The following TRMT1L variants were observed in gnomAD, a reference collection of about 807,000 sequenced individuals.
TRMT1L encodes the protein tRNA (guanine(27)-N(2))-dimethyltransferase.
A neutral mutation model predicts 81.6 loss-of-function variants in TRMT1L; 28 were observed. The ratio of observed to expected loss-of-function variants is 0.34; its 90% confidence interval spans 0.25 to 0.47. TRMT1L has a LOEUF of 0.47. TRMT1L is among the 20% of genes least tolerant of loss of function. The pLI is 1.00. For synonymous variants in TRMT1L, 301 were observed against 303.2 expected (o/e 0.99, Z 0.07); for missense variants, 739 against 877.1 (o/e 0.84, Z 1.99).
At chr1:185,154,347 G>A (rs1199207558) in intron 1 of TRMT1L, among the ~76,000 whole-genome samples, 3 of 152,034 alleles carry the variant, frequency 2.0e-5, no homozygotes, top group Non-Finnish European at 4.4e-5. Flanking sequence ...GCTGGTGCCT[G>A]GTTATTCACC....
rs1345222639 is a variant in TRMT1L, at chr1:185,131,855, C to G, written c.1514-3108G>C. Among the ~76,000 whole-genome samples, 2 of 152,100 alleles carry G rather than the reference C, an allele frequency of 1.3e-5. 1 individual carries two copies. Among genetic ancestry groups the G allele is most frequent in the African/African-American group, 4.8e-5 (2 of 41,426 alleles). On this transcript the variant is annotated intron_variant, in intron 10 of 14. Transcript: ENST00000367506. ...AACTTGTCAAAGAAATAACATCCCC[C>G]AAGGGCCAGGTGTGGTGGCTCTTGC...
intron 7 of TRMT1L, among the ~76,000 whole-genome samples, chr1:185,140,636 G>A (rs918197213): frequency 6.6e-6 from 1 of 151,470 alleles, no homozygotes; most frequent in Non-Finnish European, 1.5e-5. Flanking sequence ...AACTTTTCTG[G>A]ACCAACACTT....
At position 185,150,481 on chromosome 1, in the gene TRMT1L, C is replaced by G. The variant is rs375860895; in HGVS notation, c.358G>C (p.Ala120Pro). The G allele has an allele frequency of 2.0e-5, 32 of 1,612,018 alleles. No homozygotes were observed. In the African/African-American group the frequency reaches 4.0e-4, roughly 20 times the overall value. The change falls in exon 3 of 15, where the codon GCT becomes CCT. Residue 120 changes from alanine (A) to proline (P), a missense_variant. Physicochemically the swap from Ala to Pro is conservative, Grantham distance 27. Coordinates refer to ENST00000367506, the MANE Select transcript of TRMT1L (RefSeq NM_030934.5). ...TTTTCCTTAGGGCACAATGGACAAG[C>G]CTGTCTGTTGCCTTAAAAAGAAAAA... is the stretch of plus-strand genomic sequence containing the variant. Reference protein sequence around the residue: ...SDNLDAGNRQACPLCPKEKFR... With the variant: ...SDNLDAGNRQPCPLCPKEKFR...
chr1:185,127,499 G>A (rs1303974880), intron 11 of TRMT1L, among the ~76,000 whole-genome samples: 9 of 151,954 alleles, frequency 5.9e-5, no homozygotes, highest in Non-Finnish European at 1.0e-4. Flanking sequence ...GCTCACACCT[G>A]TAATCCCCAG....
At chr1:185,152,288 T>C (rs934078457) in intron 1 of TRMT1L, among the ~76,000 whole-genome samples, 2 of 152,216 alleles carry the variant, frequency 1.3e-5, no homozygotes, top group Non-Finnish European at 2.9e-5. Context: ...CTAACTATCA[T>C]ATGAGATAGG....
intron 7 of TRMT1L, among the ~76,000 whole-genome samples, chr1:185,142,640 A>C (rs1270087035): frequency 6.7e-6 from 1 of 150,224 alleles, no homozygotes; most frequent in Non-Finnish European, 1.5e-5. Flanking sequence ...TGCAGCAAAC[A>C]AGTATTATTG....
chr1:185,124,503 G>A (rs1391459061), intron 12 of TRMT1L, among the ~76,000 whole-genome samples: 4 of 151,928 alleles, frequency 2.6e-5, no homozygotes, highest in Non-Finnish European at 4.4e-5. Flanking sequence ...TTTGAAATCC[G>A]CCTGGACAAT....
chr1:185,145,978 C>T (rs1653177353), intron 4 of TRMT1L, among the ~76,000 whole-genome samples: 1 of 151,928 alleles, frequency 6.6e-6, no homozygotes, highest in Admixed American at 6.6e-5. Flanking sequence ...CTACAACTGT[C>T]ATAGATTTTA....
intron 5 of TRMT1L, among the ~76,000 whole-genome samples, 167 bp downstream of exon 5, chr1:185,145,272 T>A (rs1653158203): frequency 1.3e-5 from 2 of 151,902 alleles, no homozygotes; most frequent in Non-Finnish European, 1.5e-5. Context: ...TGTTAAAATG[T>A]TTTTGGAGAC....
Position 185,125,093 on chromosome 1 carries a change from T to C in TRMT1L, c.1610A>G (p.Asn537Ser), listed in dbSNP as rs772419633. 13 of 1,607,016 alleles carry C rather than the reference T, an allele frequency of 8.1e-6. No individual in the cohort carries two copies. The highest frequency in any genetic ancestry group is 4.0e-5 in the African/African-American group (3 of 74,786). ...LGPLWSSSLF[N>S]TGFLKRMLFE... ...TAGCATTCTTTTGAGGAATCCAGTA[T>C]TGAAAAGGGAACTTGACCTGAAAAG... Residue 537 changes from asparagine (N) to serine (S), a missense_variant, in exon 12 of 15, where the codon AAT becomes AGT. Asn to Ser is a conservative substitution (Grantham distance 46). Around this residue, in one of 4 missense-constraint regions of TRMT1L, gnomAD observed 196 missense variants for 232.6 expected, o/e 0.84. Transcript: ENST00000367506.
chr1:185,145,069 T>A (rs1005005464), intron 5 of TRMT1L, among the ~76,000 whole-genome samples: 1 of 151,960 alleles, frequency 6.6e-6, no homozygotes, highest in Non-Finnish European at 1.5e-5. Flanking sequence ...TAATTTCATA[T>A]CACTATGAAT....
chr1:185,151,824 C>T lies in TRMT1L; in HGVS notation c.346+1G>A. Reference sequence around the variant, plus strand: ...AAAAAAAAACCCAAACATGGAAATACCTGCATCAAGATTATCTGAGTTCAA... The same window carrying T: ...AAAAAAAAACCCAAACATGGAAATATCTGCATCAAGATTATCTGAGTTCAA... On this transcript the variant is annotated splice_donor_variant, in intron 2 of 14. Coordinates refer to ENST00000367506, the MANE Select transcript of TRMT1L (RefSeq NM_030934.5). LOFTEE classifies it high-confidence loss of function. The T allele has an allele frequency of 6.5e-7, 1 of 1,536,838 alleles. No individual in the cohort carries two copies. Among genetic ancestry groups the T allele is most frequent in the Non-Finnish European group, 8.7e-7 (1 of 1,146,290 alleles).
chr1:185,140,985 A>C (rs1200327066), intron 7 of TRMT1L, among the ~76,000 whole-genome samples: 3 of 149,856 alleles, frequency 2.0e-5, no homozygotes, highest in East Asian at 2.0e-4. Flanking sequence ...AAAAAAAAAA[A>C]CAACAAAAAC....
chr1:185,127,929 C>T (rs1280449963), intron 11 of TRMT1L, among the ~76,000 whole-genome samples: 1 of 151,964 alleles, frequency 6.6e-6, no homozygotes, highest in Non-Finnish European at 1.5e-5. Flanking sequence ...GCCTGGCAAA[C>T]ATGGTGAAAC....
chr1:185,125,662 AAAG>A (rs1652606309), intron 11 of TRMT1L, among the ~76,000 whole-genome samples: 1 of 152,238 alleles, frequency 6.6e-6, no homozygotes, highest in Admixed American at 6.5e-5. Flanking sequence ...TAAAAATGGT[AAAG>A]AAGGAAAATG....
At chr1:185,128,097 A>C (rs533065389) in intron 11 of TRMT1L, among the ~76,000 whole-genome samples, 2 of 152,142 alleles carry the variant, frequency 1.3e-5, no homozygotes, top group African/African-American at 2.4e-5. Context: ...CTGGGTGACA[A>C]GAGCGGGACT....
At chr1:185,143,576 T>C in intron 6 of TRMT1L, 140 bp from the exon 7 acceptor site, 1 of 679,340 alleles carries the variant, frequency 1.5e-6, no homozygotes. Context: ...TATTCTGAAT[T>C]TAATACTATA....
intron 13 of TRMT1L, among the ~76,000 whole-genome samples, chr1:185,123,026 T>C (rs1346618794): frequency 6.6e-6 from 1 of 152,200 alleles, no homozygotes; most frequent in Non-Finnish European, 1.5e-5. Flanking sequence ...CTTCTTTGTC[T>C]TCCCTCCAAC....
intron 1 of TRMT1L, among the ~76,000 whole-genome samples, chr1:185,153,397 AT>A (rs1653414438): frequency 6.6e-6 from 1 of 152,200 alleles, no homozygotes; most frequent in Non-Finnish European, 1.5e-5. Context: ...AGGAATGTAG[AT>A]TCAGAAAGAA....
Sources: allele counts gnomAD v4.1 joint callset (sites outside exome capture counted in the v4.1 genomes callset), GRCh38; gene constraint gnomAD v4.1.1; regional missense constraint gnomAD v4.1.1; transcripts MANE v1.5; gene names NCBI Gene and HGNC (gene_info 2026-07-23, HGNC 2026-07-21).